Variants in GPATCH8 observed in about 807,000 individuals in gnomAD.
The protein encoded by GPATCH8 is G patch domain-containing protein 8.
In GPATCH8, 18 loss-of-function variants were observed where a neutral mutation model predicts 118.3. That is an observed-to-expected ratio of 0.15 (90% confidence interval 0.11 to 0.23). GPATCH8 has a LOEUF of 0.23. Among genes scored for constraint, GPATCH8 ranks in the 10% least tolerant of loss-of-function variants. The pLI, the probability that GPATCH8 is intolerant of heterozygous loss-of-function variation, is 1.00. For synonymous variants in GPATCH8, 659 were observed against 684.7 expected, an observed-to-expected ratio of 0.96 and a Z score of 0.59; for missense variants, 1,631 against 1,873.8, an observed-to-expected ratio of 0.87 and a Z score of 2.39.
chr17:44,499,194 C>G (rs1284722961), intron 1 of GPATCH8, among the ~76,000 whole-genome samples: 1 of 151,862 alleles, frequency 6.6e-6, no homozygotes, highest in Non-Finnish European at 1.5e-5. Context: ...GGGCCAGGCG[C>G]GGTGGCTCAA....
At chr17:44,475,025 G>A in intron 1 of GPATCH8, 122 bp from the exon 2 acceptor site, 1 of 664,046 alleles carries the variant, frequency 1.5e-6, no homozygotes, top group South Asian at 1.6e-5. Flanking sequence ...AAAGGACACT[G>A]CAATCGTTCA....
At chr17:44,456,327 G>A (rs746209295) in intron 3 of GPATCH8, among the ~76,000 whole-genome samples, 12 of 151,930 alleles carry the variant, frequency 7.9e-5, no homozygotes, top group Non-Finnish European at 1.6e-4. Context: ...TATTGTCTAG[G>A]TTGGTCTCAA....
At chr17:44,481,187 G>A (rs1182142791) in intron 1 of GPATCH8, among the ~76,000 whole-genome samples, 2 of 152,174 alleles carry the variant, frequency 1.3e-5, no homozygotes, top group East Asian at 1.9e-4. Context: ...GATTACAGGC[G>A]TGAGCCCTCC....
At chr17:44,402,682 T>C (rs2049072394) in intron 7 of GPATCH8, among the ~76,000 whole-genome samples, 1 of 152,178 alleles carries the variant, frequency 6.6e-6, no homozygotes, top group Non-Finnish European at 1.5e-5. Flanking sequence ...ATTTGCATAT[T>C]CTGAGTTAAA....
intron 2 of GPATCH8, chr17:44,465,605 G>A (rs947916939): frequency 6.6e-6 from 1 of 152,080 alleles, no homozygotes; most frequent in African/African-American, 2.4e-5. Flanking sequence ...TAAACACAAA[G>A]TATTCTATAT....
intron 1 of GPATCH8, among the ~76,000 whole-genome samples, chr17:44,496,332 CAAT>C (rs1197075410): frequency 1.1e-4 from 16 of 152,304 alleles, no homozygotes; most frequent in Admixed American, 9.8e-4. Flanking sequence ...ACTTTTCCAA[CAAT>C]GTCATTATTA....
chr17:44,397,326 T>C lies in GPATCH8; in HGVS notation c.*242A>G. The C allele has an allele frequency of 1.5e-6, 1 of 663,836 alleles. No individual in the cohort carries two copies. Among genetic ancestry groups the C allele is most frequent in the Non-Finnish European group, 2.8e-6 (1 of 361,326 alleles). 41.1% of individuals were successfully genotyped at this position (663,836 alleles called of 1,614,324 possible). ...GTGGGTAGCACTTACTGGTGTTCCC[T>C]AGCTTAGAAACACAGAAGAGGGAGG... On this transcript the variant is annotated 3_prime_UTR_variant, in exon 8 of 8. Transcript: ENST00000591680.
In GPATCH8 at chr17:44,396,831, C is replaced by A. The variant is rs747917493; in HGVS notation, c.*737G>T. 1 of 454,368 alleles carries A rather than the reference C, an allele frequency of 2.2e-6. No homozygotes were observed. The highest frequency in any genetic ancestry group is 1.6e-5 in the South Asian group (1 of 64,454). 28.1% of individuals were successfully genotyped at this position (454,368 alleles called of 1,614,324 possible). On this transcript the variant is annotated 3_prime_UTR_variant, in exon 8 of 8. Transcript: ENST00000591680. ...CATCAACACAACAGAAGAAAATATA[C>A]CCTTCACTTTAGACACATGAGCTCC...
intron 6 of GPATCH8, among the ~76,000 whole-genome samples, chr17:44,422,373 TG>T (rs1266017794): frequency 6.6e-6 from 1 of 151,916 alleles, no homozygotes; most frequent in African/African-American, 2.4e-5. Flanking sequence ...TAGCTTAGAT[TG>T]GGGGGCAGGT....
chr17:44,501,343 G>T (rs900673207), intron 1 of GPATCH8, among the ~76,000 whole-genome samples: 1 of 151,910 alleles, frequency 6.6e-6, no homozygotes, highest in South Asian at 2.1e-4. Flanking sequence ...CTTGAACCCG[G>T]GAGGCAGAGG....
At chr17:44,422,018 C>G (rs1251629371) in intron 6 of GPATCH8, among the ~76,000 whole-genome samples, 1 of 152,150 alleles carries the variant, frequency 6.6e-6, no homozygotes, top group Non-Finnish European at 1.5e-5. Flanking sequence ...AGCCACTGCA[C>G]CTGGCCTAAC....
intron 6 of GPATCH8, among the ~76,000 whole-genome samples, chr17:44,412,050 G>A (rs960168115): frequency 1.3e-5 from 2 of 152,194 alleles, no homozygotes; most frequent in African/African-American, 2.4e-5. Flanking sequence ...AGCCTCCCGA[G>A]TAGCTGGGAT....
intron 2 of GPATCH8, among the ~76,000 whole-genome samples, chr17:44,469,300 T>C (rs1324240171): frequency 6.6e-6 from 1 of 152,214 alleles, no homozygotes; most frequent in Non-Finnish European, 1.5e-5. Flanking sequence ...TTCCTCAACA[T>C]TTTATTAATT....
intron 6 of GPATCH8, among the ~76,000 whole-genome samples, chr17:44,419,278 T>G (rs1162543046): frequency 6.6e-6 from 1 of 152,222 alleles, no homozygotes; most frequent in Non-Finnish European, 1.5e-5. Context: ...TACTTACCTA[T>G]TATCTCAGAT....
chr17:44,406,118 A>T, intron 6 of GPATCH8, 67 bp from the exon 7 acceptor site: 1 of 1,155,478 alleles, frequency 8.7e-7, no homozygotes, highest in Non-Finnish European at 1.3e-6. Flanking sequence ...CAGAAAGCAA[A>T]GCCTTTAGGA....
At chr17:44,449,852 T>A (rs999943822) in intron 3 of GPATCH8, among the ~76,000 whole-genome samples, 1 of 152,230 alleles carries the variant, frequency 6.6e-6, no homozygotes, top group East Asian at 1.9e-4. Context: ...GTGATTCTGC[T>A]GAAAGCCATA....
At chr17:44,403,855 G>A (rs563919249) in intron 7 of GPATCH8, among the ~76,000 whole-genome samples, 4 of 152,014 alleles carry the variant, frequency 2.6e-5, no homozygotes, top group Admixed American at 6.6e-5. Context: ...CACCATGCCC[G>A]GCTAATTTTT....
In GPATCH8 at chr17:44,398,914, CTCT is replaced by C; in HGVS notation, c.3160_3162del (p.Arg1054del). 2 of 1,614,190 alleles carry C rather than the reference CTCT, an allele frequency of 1.2e-6. No homozygotes were observed. Among genetic ancestry groups the C allele is most frequent in the South Asian group, 2.2e-5 (2 of 91,084 alleles). The stretch of plus-strand genomic sequence containing the variant: ...GGACCTGTTGCTTTACTGTCATCTC[CTCT>C]GCCATCATCTTTCTTCCCAGGACCT... On this transcript the variant is annotated inframe_deletion, in exon 8 of 8. Coordinates refer to ENST00000591680, the MANE Select transcript of GPATCH8 (RefSeq NM_001002909.4).
chr17:44,433,984 CA>C, intron 5 of GPATCH8, among the ~76,000 whole-genome samples: 1 of 151,280 alleles, frequency 6.6e-6, no homozygotes, highest in African/African-American at 2.4e-5. Flanking sequence ...ACCAAAAATT[CA>C]AAAAAATTAG....
Sources: gnomAD v4.1 joint callset for allele counts (sites outside exome capture counted in the v4.1 genomes callset) on GRCh38, gnomAD v4.1.1 for gene constraint, MANE v1.5 for transcripts, NCBI Gene and HGNC (gene_info 2026-07-23, HGNC 2026-07-21) for gene names.